The following ADGRL3 variants were observed in gnomAD, a reference collection of about 807,000 sequenced individuals.
ADGRL3 encodes calcium-independent alpha-latrotoxin receptor 3.
In ADGRL3, 62 loss-of-function variants were observed where a neutral mutation model predicts 153.5. The ratio of observed to expected loss-of-function variants is 0.40; its 90% CI spans 0.33 to 0.50. ADGRL3 has a LOEUF of 0.50. Among genes scored for constraint, ADGRL3 ranks in the 20% least tolerant of loss-of-function variants. The pLI is 0.47. For synonymous variants in ADGRL3, 710 were observed against 672.5 expected, an observed-to-expected ratio of 1.06 and a Z score of -0.86; for missense variants, 1,641 against 1,859.4, an observed-to-expected ratio of 0.88 and a Z score of 2.16.
intron 2 of ADGRL3, among the ~76,000 whole-genome samples, chr4:61,439,180 A>G (rs1195469264): frequency 6.6e-6 from 1 of 152,230 alleles, no homozygotes; most frequent in Non-Finnish European, 1.5e-5. Flanking sequence ...TGCATCTCAT[A>G]AAAGAGGCTT....
At chr4:61,622,379 A>C (rs1012598314) in intron 5 of ADGRL3, among the ~76,000 whole-genome samples, 2 of 152,186 alleles carry the variant, frequency 1.3e-5, no homozygotes, top group Non-Finnish European at 2.9e-5. Context: ...AAGGACACAT[A>C]TCCAACAATG....
intron 25 of ADGRL3, among the ~76,000 whole-genome samples, chr4:62,049,941 C>A (rs962112996): frequency 2.6e-5 from 4 of 152,002 alleles, no homozygotes; most frequent in Non-Finnish European, 5.9e-5. Context: ...GGGCCTGGAA[C>A]GTAATTATTA....
chr4:61,682,225 G>C (rs951042068), intron 6 of ADGRL3, among the ~76,000 whole-genome samples: 3 of 151,888 alleles, frequency 2.0e-5, no homozygotes, highest in Non-Finnish European at 4.4e-5. Context: ...AATATAGCAA[G>C]TATTGTCCCT....
intron 25 of ADGRL3, among the ~76,000 whole-genome samples, chr4:62,064,113 T>G (rs1332666377): frequency 6.6e-6 from 1 of 152,086 alleles, no homozygotes; most frequent in African/African-American, 2.4e-5. Flanking sequence ...CAATCAACTC[T>G]GGGGAGAATT....
At position 61,749,238 on chromosome 4, in the gene ADGRL3, A is replaced by G. The variant is rs549444111; in HGVS notation, c.1399+15684A>G. ...GATGCTGGAGAGGATGTGGAGAAAT[A>G]GGAACACTTTTACACTGTTGGTGGG... is the stretch of plus-strand genomic sequence containing the variant. On this transcript the variant is annotated intron_variant, in intron 8 of 26. Coordinates refer to ENST00000683033, the MANE Select transcript of ADGRL3 (RefSeq NM_001387552.1). 2.6e-5 allele frequency among the ~76,000 whole-genome samples: 4 copies of G among 151,952 alleles called. No individual in the cohort carries two copies. In the East Asian group the frequency reaches 7.8e-4, roughly 30 times the overall value.
chr4:61,631,304 T>C (rs542456206), intron 5 of ADGRL3, among the ~76,000 whole-genome samples: 1 of 152,334 alleles, frequency 6.6e-6, no homozygotes, highest in East Asian at 1.9e-4. Context: ...ATAAAAGGTT[T>C]CTAAGATCAA....
At chr4:61,866,202 C>A (rs1403151529) in intron 9 of ADGRL3, among the ~76,000 whole-genome samples, 1 of 152,182 alleles carries the variant, frequency 6.6e-6, no homozygotes, top group Non-Finnish European at 1.5e-5. Context: ...ATCTTAGTCT[C>A]TGTTTCTCTG....
At chr4:61,816,935 C>T (rs1212792938) in intron 9 of ADGRL3, among the ~76,000 whole-genome samples, 2 of 152,190 alleles carry the variant, frequency 1.3e-5, no homozygotes, top group Non-Finnish European at 1.5e-5. Flanking sequence ...CCTGACCTCT[C>T]CCTGCTCCTG....
chr4:61,368,322 T>C (rs2096449104), intron 1 of ADGRL3, among the ~76,000 whole-genome samples: 1 of 152,226 alleles, frequency 6.6e-6, no homozygotes, highest in South Asian at 2.1e-4. Context: ...TCCTGAATGG[T>C]AATGCCTAGG....
At chr4:61,240,130 T>G (rs1484643935) in intron 1 of ADGRL3, among the ~76,000 whole-genome samples, 1 of 152,114 alleles carries the variant, frequency 6.6e-6, no homozygotes, top group Non-Finnish European at 1.5e-5. Flanking sequence ...TGAGGGTTAC[T>G]CTCTGCTTCC....
At chr4:61,687,872 T>C (rs2095474406) in intron 6 of ADGRL3, among the ~76,000 whole-genome samples, 1 of 152,090 alleles carries the variant, frequency 6.6e-6, no homozygotes, top group Non-Finnish European at 1.5e-5. Context: ...ATTTATTGAC[T>C]TACAGTTCTG....
intron 1 of ADGRL3, among the ~76,000 whole-genome samples, chr4:61,220,394 G>A (rs932026537): frequency 1.3e-5 from 2 of 152,212 alleles, no homozygotes; most frequent in South Asian, 4.1e-4. Context: ...TAAACCATGG[G>A]ACTGCCACAT....
chr4:61,558,404 A>T (rs576721216), intron 4 of ADGRL3, among the ~76,000 whole-genome samples: 1 of 151,788 alleles, frequency 6.6e-6, no homozygotes, highest in African/African-American at 2.4e-5. Flanking sequence ...TAAAATAGAT[A>T]TTTAGCTATT....
rs533443737 is a variant in ADGRL3 at position 61,882,291 on chromosome 4, C to T, written c.1481-10365C>T. Among the ~76,000 whole-genome samples the T allele has an allele frequency of 2.0e-5, 3 of 152,244 alleles. No individual in the cohort carries two copies. In the East Asian group the frequency reaches 5.8e-4, roughly 29 times the overall value. ...CAACCAACAATGACTGAAGGGCTAC[C>T]ATGTGCCAGTGAGTATCATGGTATC... is the stretch of plus-strand genomic sequence containing the variant. On this transcript the variant is annotated intron_variant, in intron 9 of 26. Coordinates refer to ENST00000683033, the MANE Select transcript of ADGRL3 (RefSeq NM_001387552.1).
intron 8 of ADGRL3, among the ~76,000 whole-genome samples, chr4:61,767,178 G>C (rs2096997747): frequency 6.6e-6 from 1 of 151,984 alleles, no homozygotes; most frequent in South Asian, 2.1e-4. Context: ...GGACCCAAAG[G>C]AGGCTTTGGA....
At chr4:61,269,123 A>G in intron 1 of ADGRL3, among the ~76,000 whole-genome samples, 1 of 151,610 alleles carries the variant, frequency 6.6e-6, no homozygotes, top group East Asian at 1.9e-4. Context: ...CTGATAAGAG[A>G]CTCTGCAGTA....
intron 4 of ADGRL3, among the ~76,000 whole-genome samples, chr4:61,554,604 A>T (rs754459670): frequency 6.6e-6 from 1 of 152,158 alleles, no homozygotes; most frequent in Non-Finnish European, 1.5e-5. Context: ...TGACAGAGAG[A>T]GAGGGAGACA....
chr4:61,632,916 A>G (rs1321749497), intron 5 of ADGRL3, among the ~76,000 whole-genome samples: 1 of 152,166 alleles, frequency 6.6e-6, no homozygotes, highest in African/African-American at 2.4e-5. Flanking sequence ...AGGAAATAAC[A>G]CTGATAACTT....
At chr4:61,952,430 G>A (rs1405626925) in intron 17 of ADGRL3, among the ~76,000 whole-genome samples, 1 of 150,014 alleles carries the variant, frequency 6.7e-6, no homozygotes, top group South Asian at 2.1e-4. Flanking sequence ...AGTGAGCTGT[G>A]ATTGTGCCAC....
Sources: gnomAD v4.1 joint callset for allele counts (sites outside exome capture counted in the v4.1 genomes callset) on GRCh38, gnomAD v4.1.1 for gene constraint, MANE v1.5 for transcripts, NCBI Gene and HGNC (gene_info 2026-07-23, HGNC 2026-07-21) for gene names.